Variants in GRB10 observed in about 807,000 individuals in gnomAD.
GRB10 encodes growth factor receptor-bound protein 10.
Under a neutral mutation model 80.9 loss-of-function variants are expected in GRB10, and 20 were observed. The ratio of observed to expected loss-of-function variants is 0.25; its 90% CI spans 0.17 to 0.36. The LOEUF is 0.36. Ranked by LOEUF, GRB10 falls within the 10% of genes least tolerant of loss-of-function variation. The probability of loss-of-function intolerance (pLI) is 1.00; values close to 1 mark genes in which losing one functional copy is unlikely to be tolerated. For synonymous variants in GRB10, 291 were observed against 291.5 expected (o/e 1.00, Z 0.02); for missense variants, 548 against 747.7 (o/e 0.73, Z 3.12).
chr7:50,688,069 C>T (rs1385300404), intron 5 of GRB10, among the ~76,000 whole-genome samples: 1 of 152,198 alleles, frequency 6.6e-6, no homozygotes, highest in Non-Finnish European at 1.5e-5. Flanking sequence ...TCACATATGG[C>T]ATCTAAGTAG....
intron 3 of GRB10, among the ~76,000 whole-genome samples, chr7:50,750,243 T>G (rs187050294): frequency 2.0e-5 from 3 of 152,222 alleles, no homozygotes; most frequent in African/African-American, 7.2e-5. Flanking sequence ...GCAAGTTCTT[T>G]GCAAATTTTA....
intron 7 of GRB10, among the ~76,000 whole-genome samples, chr7:50,663,642 T>TC (rs1197893092): frequency 6.6e-6 from 1 of 152,230 alleles, no homozygotes; most frequent in Non-Finnish European, 1.5e-5. Flanking sequence ...ACTGAGCCCT[T>TC]CTCTCACAAG....
intron 10 of GRB10, among the ~76,000 whole-genome samples, chr7:50,616,911 G>C (rs1239029049): frequency 6.6e-6 from 1 of 152,250 alleles, no homozygotes; most frequent in Non-Finnish European, 1.5e-5. Context: ...GACAGGCCAA[G>C]GGCCAGGTCA....
chr7:50,708,517 G>A (rs2065346311), intron 4 of GRB10, among the ~76,000 whole-genome samples: 1 of 152,166 alleles, frequency 6.6e-6, no homozygotes, highest in Middle Eastern at 3.2e-3. Context: ...TCTGCCAGGT[G>A]CAGGGTAATG....
At chr7:50,598,712 C>T (rs991276276) in intron 17 of GRB10, among the ~76,000 whole-genome samples, 1 of 152,134 alleles carries the variant, frequency 6.6e-6, no homozygotes, top group Admixed American at 6.5e-5. Context: ...GAAAAGCAGA[C>T]GAAAAGTGAA....
chr7:50,781,060 T>G (rs926183054), intron 1 of GRB10: 1 of 152,226 alleles, frequency 6.6e-6, no homozygotes, highest in African/African-American at 2.4e-5. Context: ...CACCCCTTCA[T>G]GCCAATCGTG....
chr7:50,681,367 G>A (rs1455153393), intron 5 of GRB10, among the ~76,000 whole-genome samples: 4 of 152,230 alleles, frequency 2.6e-5, no homozygotes, highest in Non-Finnish European at 5.9e-5. Context: ...TAGGCAAGCT[G>A]CTCCAGTCTT....
chr7:50,707,611 T>G (rs1470842905), intron 4 of GRB10, among the ~76,000 whole-genome samples: 2 of 152,276 alleles, frequency 1.3e-5, no homozygotes, highest in African/African-American at 4.8e-5. Flanking sequence ...AAATATTTAC[T>G]GCTATGTATG....
At chr7:50,739,587 A>G (rs1304559041) in intron 3 of GRB10, among the ~76,000 whole-genome samples, 1 of 152,168 alleles carries the variant, frequency 6.6e-6, no homozygotes, top group Admixed American at 6.5e-5. Context: ...ATCCACTCTC[A>G]TATTTCCTTT....
chr7:50,594,375 A>G (rs956239391), intron 18 of GRB10, among the ~76,000 whole-genome samples: 11 of 152,222 alleles, frequency 7.2e-5, no homozygotes, highest in African/African-American at 1.7e-4. Context: ...CTCATCCTGT[A>G]TGGTCCATGG....
intron 2 of GRB10, among the ~76,000 whole-genome samples, chr7:50,767,339 A>G (rs1287839144): frequency 6.6e-6 from 1 of 152,206 alleles, no homozygotes; most frequent in Non-Finnish European, 1.5e-5. Flanking sequence ...AGGCAGGTGC[A>G]GGCAAGCATG....
chr7:50,630,024 G>T (rs1168826200), intron 7 of GRB10, among the ~76,000 whole-genome samples: 2 of 152,206 alleles, frequency 1.3e-5, no homozygotes, highest in Non-Finnish European at 2.9e-5. Flanking sequence ...GTAACACCAG[G>T]AAAGGTGAGA....
At chr7:50,773,138 T>A (rs1258126346) in intron 2 of GRB10, among the ~76,000 whole-genome samples, 1 of 151,936 alleles carries the variant, frequency 6.6e-6, no homozygotes, top group East Asian at 1.9e-4. Context: ...AAACTCCCCT[T>A]TATAAAACCA....
intron 17 of GRB10, among the ~76,000 whole-genome samples, chr7:50,597,500 C>T (rs1021561593): frequency 1.9e-4 from 29 of 152,224 alleles, no homozygotes; most frequent in African/African-American, 5.3e-4. Context: ...AGAAGTTTGC[C>T]GAGCTTCAGC....
At chr7:50,785,885 TAAG>T (rs2078674490), upstream of GRB10, among the ~76,000 whole-genome samples, 1 of 152,130 alleles carries the variant, frequency 6.6e-6, no homozygotes, top group African/African-American at 2.4e-5. Flanking sequence ...ATCTATGAAA[TAAG>T]AATATTATGC....
At position 50,749,164 on chromosome 7, in the gene GRB10, T is replaced by C. The variant is rs190774659; in HGVS notation, c.-47+6723A>G. 2.8e-5 allele frequency among the ~76,000 whole-genome samples: 4 copies of C among 144,812 alleles called. No individual in the cohort carries two copies. The East Asian group carries it at 8.4e-4, about 31-fold the overall frequency. ...TTTTTTTTGAGATGGAGTCTCACTC[T>C]GTCATCCAGGCTGGAGTGCAATAGT... is the stretch of plus-strand genomic sequence containing the variant. On this transcript the variant is annotated intron_variant, in intron 3 of 18. Coordinates refer to ENST00000401949, the MANE Select transcript of GRB10 (RefSeq NM_001350814.2).
chr7:50,760,322 A>C (rs1002079325), intron 2 of GRB10, among the ~76,000 whole-genome samples: 3 of 152,254 alleles, frequency 2.0e-5, no homozygotes, highest in Admixed American at 2.0e-4. Flanking sequence ...CCCTAAGAAT[A>C]ATCCTATACA....
At chr7:50,745,527 C>G (rs897474889) in intron 3 of GRB10, among the ~76,000 whole-genome samples, 1 of 152,158 alleles carries the variant, frequency 6.6e-6, no homozygotes, top group Admixed American at 6.5e-5. Flanking sequence ...CCCACTGGTC[C>G]GGAAGCACTG....
At chr7:50,713,405 G>A (rs946748050) in intron 4 of GRB10, among the ~76,000 whole-genome samples, 30 of 133,286 alleles carry the variant, frequency 2.3e-4, no homozygotes, top group African/African-American at 7.1e-4. Flanking sequence ...CTCCTCCACC[G>A]CCACCTCCAT....
Sources: allele counts gnomAD v4.1 joint callset (sites outside exome capture counted in the v4.1 genomes callset), GRCh38; gene constraint gnomAD v4.1.1; transcripts MANE v1.5; gene names NCBI Gene and HGNC (gene_info 2026-07-23, HGNC 2026-07-21).